ITSN1: variants seen among roughly 807,000 people sequenced by gnomAD.
ITSN1 encodes the protein intersectin 1.
A neutral mutation model predicts 239.8 loss-of-function variants in ITSN1; 58 were observed. The observed-to-expected ratio is 0.24, with a 90% CI of 0.20 to 0.30. The LOEUF (loss-of-function observed/expected upper bound fraction) is 0.30. ITSN1 is among the 10% of genes least tolerant of loss of function. The pLI is 1.00. For missense variants in ITSN1, 1,558 were observed against 2,103.3 expected, an observed-to-expected ratio of 0.74 and a Z score of 5.07; for synonymous variants, 780 against 770.8, an observed-to-expected ratio of 1.01 and a Z score of -0.20.
At chr21:33,837,460 C>G in intron 29 of ITSN1, 1 of 986,294 alleles carries the variant, frequency 1.0e-6, no homozygotes, top group Non-Finnish European at 1.2e-6. Flanking sequence ...GTCCATAAAT[C>G]TGAGACTTGA....
At chr21:33,842,944 G>C (rs2074874277) in intron 29 of ITSN1, among the ~76,000 whole-genome samples, 1 of 152,020 alleles carries the variant, frequency 6.6e-6, no homozygotes, top group Non-Finnish European at 1.5e-5. Flanking sequence ...GTCCCCTTCT[G>C]ATACCTGTCC....
intron 20 of ITSN1, among the ~76,000 whole-genome samples, chr21:33,806,103 C>CG (rs2072423397): frequency 6.7e-6 from 1 of 148,794 alleles, no homozygotes; most frequent in African/African-American, 2.5e-5. Flanking sequence ...CCCAGCTACT[C>CG]GGGAGGCTGA....
chr21:33,752,824 T>TAA (rs374308030), intron 7 of ITSN1, among the ~76,000 whole-genome samples: 124 of 127,264 alleles, frequency 9.7e-4, no homozygotes, highest in African/African-American at 2.3e-3. Flanking sequence ...TGAGCCTGCC[T>TAA]AAAAAAAAAA....
intron 36 of ITSN1, among the ~76,000 whole-genome samples, chr21:33,883,936 G>A (rs906239686): frequency 3.2e-5 from 4 of 125,738 alleles, no homozygotes; most frequent in Non-Finnish European, 6.3e-5. Flanking sequence ...GTCTCACTCT[G>A]TCACCCAGGC....
At chr21:33,758,007 G>T (rs915265410) in intron 8 of ITSN1, among the ~76,000 whole-genome samples, 2 of 152,070 alleles carry the variant, frequency 1.3e-5, no homozygotes, top group African/African-American at 4.8e-5. Context: ...CTCCTGAGTA[G>T]CAGGGACTAC....
chr21:33,888,384 C>A lies in ITSN1; in HGVS notation c.*84C>A. 1 of 1,383,784 alleles carries A rather than the reference C, an allele frequency of 7.2e-7. No individual in the cohort carries two copies. Among genetic ancestry groups the A allele is most frequent in the Non-Finnish European group, 9.8e-7 (1 of 1,021,484 alleles). The allele number at this position is 1,383,784 out of a possible 1,614,324, so 85.7% of individuals were successfully genotyped here. On this transcript the variant is annotated 3_prime_UTR_variant, in exon 40 of 40. Coordinates refer to ENST00000381318, the MANE Select transcript of ITSN1 (RefSeq NM_003024.3). ...GAAATTGTATTCCTTTTCTAAGAAA[C>A]CACCATTTGGTATTCAGTCACAGGG...
chr21:33,860,574 C>T (rs1002515718), intron 31 of ITSN1, among the ~76,000 whole-genome samples: 1 of 152,166 alleles, frequency 6.6e-6, no homozygotes, highest in Non-Finnish European at 1.5e-5. Flanking sequence ...GCCAGGCCTG[C>T]GTGCTTCTTC....
intron 25 of ITSN1, 39 bp downstream of exon 25, chr21:33,823,692 G>A (rs561744628): frequency 1.3e-5 from 20 of 1,575,362 alleles, no homozygotes; most frequent in African/African-American, 4.1e-5. Flanking sequence ...CTTTCTGTGC[G>A]GTGATTCTCT....
At chr21:33,687,644 G>C (rs1290747236) in intron 1 of ITSN1, among the ~76,000 whole-genome samples, 1 of 152,124 alleles carries the variant, frequency 6.6e-6, no homozygotes, top group East Asian at 1.9e-4. Flanking sequence ...CAACGTTCAG[G>C]AACAAATGAA....
intron 1 of ITSN1, among the ~76,000 whole-genome samples, chr21:33,704,923 TAAAAAAAAAAAAA>T (rs55966725): frequency 1.1e-5 from 1 of 93,672 alleles, no homozygotes; most frequent in East Asian, 3.2e-4. Flanking sequence ...CCATCTCTAC[TAAAAAAAAAAAAA>T]AAAAAAAAAA....
At chr21:33,736,051 G>A (rs972366251) in intron 5 of ITSN1, among the ~76,000 whole-genome samples, 3 of 152,174 alleles carry the variant, frequency 2.0e-5, no homozygotes, top group Admixed American at 6.6e-5. Context: ...TTTCTTATAA[G>A]CTAATTGATT....
At chr21:33,702,111 T>TAAAG (rs1568974927) in intron 1 of ITSN1, among the ~76,000 whole-genome samples, 3 of 107,892 alleles carry the variant, frequency 2.8e-5, no homozygotes, top group Admixed American at 9.4e-5. Flanking sequence ...TTTTTTTTTT[T>TAAAG]TTTTTTTTTT....
intron 1 of ITSN1, among the ~76,000 whole-genome samples, chr21:33,694,901 A>G (rs754152866): frequency 6.6e-6 from 1 of 152,210 alleles, no homozygotes; most frequent in Non-Finnish European, 1.5e-5. Context: ...TGCAGCCTCC[A>G]ACTCCTAGGC....
At chr21:33,885,587 C>T in intron 38 of ITSN1, 65 bp downstream of exon 38, 1 of 1,198,276 alleles carries the variant, frequency 8.3e-7, no homozygotes, top group Non-Finnish European at 1.2e-6. Flanking sequence ...GTTCCCCACA[C>T]CCCCACCTGG....
At chr21:33,845,651 C>A (rs1209176828) in intron 29 of ITSN1, among the ~76,000 whole-genome samples, 3 of 152,188 alleles carry the variant, frequency 2.0e-5, no homozygotes, top group Non-Finnish European at 4.4e-5. Context: ...CTTCCCTAAC[C>A]CATGCATTCT....
In ITSN1 at chr21:33,794,309, C is replaced by T. The variant is rs755438563; in HGVS notation, c.1825-32C>T. The T allele has an allele frequency of 1.6e-5, 24 of 1,482,304 alleles. No homozygotes were observed. The Admixed American group carries it at 2.4e-4, about 15-fold the overall frequency. The allele number at this position is 1,482,304 out of a possible 1,614,324, so 91.8% of individuals were successfully genotyped here. A position where few individuals can be genotyped will look rare whatever the true frequency, so the allele number is the denominator to read the frequency against. ...TAGTTGATGTACCTGTCACTCATGT[C>T]GCTACATGAACTGTTTCTCGGTTAA... On this transcript the variant is annotated intron_variant, in intron 16 of 39. Transcript: ENST00000381318.
intron 1 of ITSN1, among the ~76,000 whole-genome samples, chr21:33,681,957 C>T (rs944390482): frequency 2.0e-5 from 3 of 151,030 alleles, no homozygotes; most frequent in Admixed American, 1.3e-4. Context: ...CATGAACCAC[C>T]GCGCCTGGCC....
At chr21:33,833,605 C>T (rs896962201) in intron 27 of ITSN1, among the ~76,000 whole-genome samples, 9 of 152,188 alleles carry the variant, frequency 5.9e-5, no homozygotes, top group African/African-American at 9.7e-5. Context: ...CGGTGGCGCA[C>T]GCCTGTAATC....
rs567887746 is a variant in ITSN1, at chr21:33,731,882, C to A, written c.186-3162C>A. 4.6e-5 allele frequency among the ~76,000 whole-genome samples: 7 copies of A among 152,242 alleles called. No homozygotes were observed. In the East Asian group the frequency reaches 1.4e-3, roughly 29 times the overall value. On this transcript the variant is annotated intron_variant, in intron 4 of 39. Coordinates refer to ENST00000381318, the MANE Select transcript of ITSN1 (RefSeq NM_003024.3). Reference sequence around the variant, plus strand: ...CAAGCCGAATATGAGTCACCAATGGCCTGTGACACAGCCCTCAGGAGATCC... The same window carrying A: ...CAAGCCGAATATGAGTCACCAATGGACTGTGACACAGCCCTCAGGAGATCC...
Sources: gnomAD v4.1 joint callset for allele counts (sites outside exome capture counted in the v4.1 genomes callset) on GRCh38, gnomAD v4.1.1 for gene constraint, MANE v1.5 for transcripts, NCBI Gene and HGNC (gene_info 2026-07-23, HGNC 2026-07-21) for gene names.